UTY: variants seen among roughly 807,000 people sequenced by gnomAD.
UTY encodes the protein histone demethylase UTY.
UTY carries 12 observed loss-of-function variants against 32.5 expected under a neutral mutation model. That is an observed-to-expected ratio of 0.37 (90% CI 0.24 to 0.60). The LOEUF (loss-of-function observed/expected upper bound fraction) is 0.60. Among genes scored for constraint, UTY ranks in the 20% least tolerant of loss-of-function variants. UTY has a pLI of 0.69. For synonymous variants in UTY, 131 were observed against 103.4 expected (o/e 1.27, Z -1.62); for missense variants, 303 against 299.2 (o/e 1.01, Z -0.09).
At position 13,276,604 on chromosome Y, in the gene UTY, C is replaced by A. The variant is rs370288973; in HGVS notation, c.4011-16200G>T. 2.8e-4 allele frequency among the ~76,000 whole-genome samples: 9 copies of A among 32,372 alleles called. No individual in the cohort carries two copies. The South Asian group carries it at 6.3e-3, about 23-fold the overall frequency. The allele number at this position is 32,372 out of a possible 37,273, so 86.9% of individuals were successfully genotyped here. On this transcript the variant is annotated intron_variant, in intron 27 of 29. Transcript: ENST00000545955. The stretch of plus-strand genomic sequence containing the variant: ...GCCCAGCTGCAACCTGTAGTCCCGG[C>A]TACTCTACTCGGGAGGCTGAGGCAG...
In UTY at chrY:13,249,565, T is replaced by C. The variant is rs2054006193; in HGVS notation, c.*291A>G. The C allele has an allele frequency of 1.9e-5, 1 of 51,447 alleles. No homozygotes were observed. Among genetic ancestry groups the C allele is most frequent in the East Asian group, 2.8e-4 (1 of 3,517 alleles). 12.8% of individuals were successfully genotyped at this position (51,447 alleles called of 400,897 possible). ...GAATATTAATTCATCAGCCCAGAAA[T>C]AGAGAAACATAAAAAAGGCTATCTT... On this transcript the variant is annotated 3_prime_UTR_variant, in exon 30 of 30. Transcript: ENST00000545955.
chrY:13,466,630 T>C, intron 3 of UTY, among the ~76,000 whole-genome samples: 1 of 33,406 alleles, frequency 3.0e-5, no homozygotes, highest in Non-Finnish European at 7.4e-5. Flanking sequence ...CATACATTAT[T>C]AGTCATTCTT....
At chrY:13,467,797 TAA>T (rs2078065475) in intron 3 of UTY, among the ~76,000 whole-genome samples, 5 of 32,068 alleles carry the variant, frequency 1.6e-4, no homozygotes, top group African/African-American at 6.1e-4. Context: ...AAAAAGAAAT[TAA>T]AAATACATAT....
chrY:13,328,532 T>C (rs2060426334), intron 18 of UTY, among the ~76,000 whole-genome samples: 1 of 33,924 alleles, frequency 2.9e-5, no homozygotes, highest in African/African-American at 1.1e-4. Flanking sequence ...GGTGTGCACA[T>C]AGAAACTATC....
At chrY:13,284,099 T>C in intron 27 of UTY, among the ~76,000 whole-genome samples, 1 of 33,432 alleles carries the variant, frequency 3.0e-5, no homozygotes, top group Non-Finnish European at 7.4e-5. Context: ...AGTTGAGACA[T>C]GTTGAAAAAT....
At chrY:13,234,721 G>A in exon 29 of UTY, 1 of 133,556 alleles carries the variant, frequency 7.5e-6, no homozygotes, top group Non-Finnish European at 1.6e-5. Flanking sequence ...CCTTTCTGCA[G>A]CTGGTCACCT....
At chrY:13,275,732 A>C in intron 27 of UTY, among the ~76,000 whole-genome samples, 1 of 33,399 alleles carries the variant, frequency 3.0e-5, no homozygotes, top group Non-Finnish European at 7.4e-5. Flanking sequence ...TCTCAGGGCA[A>C]TTACAAACTA....
chrY:13,265,831 G>A (rs553569599), intron 27 of UTY, among the ~76,000 whole-genome samples: 1 of 33,178 alleles, frequency 3.0e-5, no homozygotes, highest in East Asian at 7.8e-4. Flanking sequence ...CAAAGGGAAT[G>A]CTTCCAGTTT....
chrY:13,471,963 T>A, intron 2 of UTY, among the ~76,000 whole-genome samples: 1 of 33,673 alleles, frequency 3.0e-5, no homozygotes, highest in Middle Eastern at 0.013. Flanking sequence ...GCAAATTTTC[T>A]TAAAATACAT....
chrY:13,355,895 T>G, intron 16 of UTY, 28 bp downstream of exon 16: 2 of 341,569 alleles, frequency 5.9e-6, no homozygotes, highest in South Asian at 7.1e-5. Context: ...TTGGTAAATT[T>G]TAGAGAAAAT....
At chrY:13,395,503 T>C (rs544772027) in intron 7 of UTY, among the ~76,000 whole-genome samples, 812 of 32,331 alleles carry the variant, frequency 0.025, no homozygotes, top group Middle Eastern at 0.19. Context: ...TAGCCAGGCA[T>C]TGCATGCGCC....
intron 27 of UTY, among the ~76,000 whole-genome samples, chrY:13,263,481 A>G (rs1054432150): frequency 1.8e-4 from 6 of 33,902 alleles, no homozygotes; most frequent in Admixed American, 8.0e-4. Flanking sequence ...TAAAAGATTC[A>G]AGATAAATTT....
chrY:13,255,754 A>G (rs2054667058), intron 28 of UTY, among the ~76,000 whole-genome samples: 1 of 33,659 alleles, frequency 3.0e-5, no homozygotes, highest in Non-Finnish European at 7.3e-5. Flanking sequence ...TTAGCTGAGC[A>G]AGACTGAATG....
chrY:13,319,984 C>A, intron 21 of UTY, among the ~76,000 whole-genome samples: 1 of 32,954 alleles, frequency 3.0e-5, no homozygotes, highest in Non-Finnish European at 7.5e-5. Flanking sequence ...TACTTTAAAT[C>A]TTTAATATCT....
rs376688990 is a variant in UTY, at chrY:13,355,129, T to G, written c.1935A>C (p.Ala645=). ...GCACATTTCCATTACTTTCACTTCC[T>G]GCTATACAATTACTGCCTAGCAAGA... ...DTILLGSNCI[A]GSESNGNVPY... is the part of the protein sequence containing the mutation. Residue 645 remains alanine, a synonymous_variant, in exon 17 of 30, where the codon GCA becomes GCC. Coordinates refer to ENST00000545955, the MANE Select transcript of UTY (RefSeq NM_001258249.2). 79 of 396,462 alleles carry G rather than the reference T, an allele frequency of 2.0e-4. No individual in the cohort carries two copies. Among genetic ancestry groups the G allele is most frequent in the Non-Finnish European group, 2.6e-4 (75 of 283,137 alleles).
intron 21 of UTY, among the ~76,000 whole-genome samples, chrY:13,306,547 A>G (rs926551353): frequency 5.9e-5 from 2 of 33,668 alleles, no homozygotes; most frequent in Non-Finnish European, 1.5e-4. Flanking sequence ...CTTTGGACCA[A>G]GGAATTTTCT....
chrY:13,308,761 G>A, intron 21 of UTY, among the ~76,000 whole-genome samples: 1 of 33,341 alleles, frequency 3.0e-5, no homozygotes, highest in Non-Finnish European at 7.4e-5. Context: ...GAATACCTAC[G>A]AGGCAGAGCA....
intron 18 of UTY, among the ~76,000 whole-genome samples, chrY:13,327,822 C>T (rs2060355930): frequency 2.9e-5 from 1 of 33,943 alleles, no homozygotes; most frequent in Non-Finnish European, 7.3e-5. Flanking sequence ...AGTATTCTCA[C>T]TATACCAGTA....
intron 17 of UTY, among the ~76,000 whole-genome samples, chrY:13,351,687 A>T (rs2062410935): frequency 3.0e-5 from 1 of 33,884 alleles, no homozygotes; most frequent in African/African-American, 1.2e-4. Flanking sequence ...ATGCAATTTA[A>T]AATGTATGTA....
Sources: gnomAD v4.1 joint callset for allele counts (sites outside exome capture counted in the v4.1 genomes callset) on GRCh38, gnomAD v4.1.1 for gene constraint, MANE v1.5 for transcripts, NCBI Gene and HGNC (gene_info 2026-07-23, HGNC 2026-07-21) for gene names.